Variants in ATXN10 observed in about 807,000 individuals in gnomAD.
ATXN10 encodes ataxin-10.
A neutral mutation model predicts 52.9 loss-of-function variants in ATXN10; 28 were observed. The ratio of observed to expected loss-of-function variants is 0.53; its 90% CI spans 0.39 to 0.73. The LOEUF is 0.73. Ranked by LOEUF, ATXN10 falls within the 30% of genes least tolerant of loss-of-function variation. ATXN10 has a pLI of 0.00. For missense variants in ATXN10, 565 were observed against 577.0 expected, an observed-to-expected ratio of 0.98 and a Z score of 0.21; for synonymous variants, 226 against 221.5, an observed-to-expected ratio of 1.02 and a Z score of -0.18.
At chr22:45,689,670 A>T in intron 1 of ATXN10, 42 bp from the exon 2 acceptor site, 2 of 1,578,776 alleles carry the variant, frequency 1.3e-6, no homozygotes, top group South Asian at 2.2e-5. Flanking sequence ...TGGAAATCAT[A>T]ATCTTTTTTT....
rs772914766 is a variant in ATXN10 at position 45,702,873 on chromosome 22, T to A, written c.647+26T>A. The A allele has an allele frequency of 1.9e-6, 3 of 1,613,098 alleles. No individual in the cohort carries two copies. In the African/African-American group the frequency reaches 4.0e-5, roughly 22 times the overall value. ...GTAAGTATCTTGTTAGAAATTTGAT[T>A]GCTTTGGGGCATCCTGACAGATCAC... On this transcript the variant is annotated intron_variant, in intron 5 of 11. Transcript: ENST00000252934.
chr22:45,682,642 T>C (rs1922974722), intron 1 of ATXN10, among the ~76,000 whole-genome samples: 1 of 152,198 alleles, frequency 6.6e-6, no homozygotes, highest in South Asian at 2.1e-4. Flanking sequence ...GCTAGACTTG[T>C]TTATTCACCT....
intron 5 of ATXN10, among the ~76,000 whole-genome samples, chr22:45,707,181 A>G (rs1924075910): frequency 6.6e-6 from 1 of 152,110 alleles, no homozygotes; most frequent in Non-Finnish European, 1.5e-5. Context: ...TCTTTTGCAC[A>G]TAGTAGTCAG....
intron 4 of ATXN10, among the ~76,000 whole-genome samples, 171 bp downstream of exon 4, chr22:45,700,549 T>A (rs906960326): frequency 6.6e-6 from 1 of 152,196 alleles, no homozygotes; most frequent in African/African-American, 2.4e-5. Context: ...GGGAAACACC[T>A]GGGTCCTGGA....
At position 45,824,268 on chromosome 22, in the gene ATXN10, C is replaced by T. The variant is rs565992081; in HGVS notation, c.1237+17246C>T. On this transcript the variant is annotated intron_variant, in intron 10 of 11. Transcript: ENST00000252934. This position sits in a 1 kb window ranked among gnomAD's most constrained non-coding sequence, Gnocchi z 5.2. ...GAGTTCTCCCCTTTCTACATTTGGC[C>T]AACTCCTACTCACCTTTGAGTTTGA... 2.0e-5 allele frequency among the ~76,000 whole-genome samples: 3 copies of T among 152,230 alleles called. No individual in the cohort carries two copies. Among genetic ancestry groups the T allele is most frequent in the East Asian group, 3.9e-4 (2 of 5,186 alleles).
At chr22:45,792,039 A>G (rs999983590) in intron 9 of ATXN10, among the ~76,000 whole-genome samples, 1 of 152,166 alleles carries the variant, frequency 6.6e-6, no homozygotes, top group Non-Finnish European at 1.5e-5. Context: ...ACTTATAAGC[A>G]TTCCAAATGT....
chr22:45,700,300 A>G lies in ATXN10; in HGVS notation c.410A>G (p.Gln137Arg). The part of the protein sequence containing the change: ...SLLTAFRCGL[Q>R]FLGNIASRNE... Reference sequence around the variant, plus strand: ...TTCTTAGCTTTTCGCTGTGGCCTGCAGTTTTTAGGCAACATTGCCTCACGG... The same window carrying G: ...TTCTTAGCTTTTCGCTGTGGCCTGCGGTTTTTAGGCAACATTGCCTCACGG... The change falls in exon 4 of 12, where the codon CAG becomes CGG. Residue 137 changes from glutamine (Q) to arginine (R), a missense_variant. Coordinates refer to ENST00000252934, the MANE Select transcript of ATXN10 (RefSeq NM_013236.4). 1 of 1,613,534 alleles carries G rather than the reference A, an allele frequency of 6.2e-7. No homozygotes were observed. The highest frequency in any genetic ancestry group is 8.5e-7 in the Non-Finnish European group (1 of 1,179,554).
In ATXN10 at chr22:45,721,976, G is replaced by T. The variant is rs191851348; in HGVS notation, c.728+3483G>T. On this transcript the variant is annotated intron_variant, in intron 6 of 11. Transcript: ENST00000252934. Reference sequence around the variant, plus strand: ...CGTAATTTTAAGGCAGACTATGTAAGTACTGTATTTAATCAGGGGAGAATT... The same window carrying T: ...CGTAATTTTAAGGCAGACTATGTAATTACTGTATTTAATCAGGGGAGAATT... Among the ~76,000 whole-genome samples, 50 of 152,140 alleles carry T rather than the reference G, an allele frequency of 3.3e-4. 1 individual carries two copies. The highest frequency in any genetic ancestry group is 1.0e-4 in the Non-Finnish European group (7 of 68,030).
Position 45,769,569 on chromosome 22 carries a change from C to T in ATXN10, c.1173+29031C>T, listed in dbSNP as rs1926703921. 6.6e-6 allele frequency among the ~76,000 whole-genome samples: 1 copy of T among 152,024 alleles called. No individual in the cohort carries two copies. Among genetic ancestry groups the T allele is most frequent in the African/African-American group, 2.4e-5 (1 of 41,388 alleles). ...ACTATTTCAAAGGAATGAATTACAC[C>T]AGCAGAGGTACAGAGGAAGAAAGGT... On this transcript the variant is annotated intron_variant, in intron 9 of 11. Transcript: ENST00000252934. This position sits in a 1 kb window ranked among gnomAD's most constrained non-coding sequence, Gnocchi z 4.2.
intron 7 of ATXN10, among the ~76,000 whole-genome samples, chr22:45,730,721 G>A (rs1425196487): frequency 6.6e-6 from 1 of 152,208 alleles, no homozygotes; most frequent in Non-Finnish European, 1.5e-5. Flanking sequence ...ACTGGCATAA[G>A]CCACCACATC....
intron 1 of ATXN10, chr22:45,673,029 A>G (rs1158237309): frequency 1.3e-5 from 2 of 152,218 alleles, no homozygotes; most frequent in Non-Finnish European, 2.9e-5. Flanking sequence ...TTTCTTGTCT[A>G]TTTAATGGGA....
rs932958854 is a variant in ATXN10 at position 45,818,660 on chromosome 22, C to T, written c.1237+11638C>T. On this transcript the variant is annotated intron_variant, in intron 10 of 11. Transcript: ENST00000252934. This position sits in a 1 kb window ranked among gnomAD's most constrained non-coding sequence, Gnocchi z 4.6. Reference sequence around the variant, plus strand: ...AGGGATCAGGGGGCAGGGATCATCACGCAGGAAGCTGTGTGAAAGAGGTGT... The same window carrying T: ...AGGGATCAGGGGGCAGGGATCATCATGCAGGAAGCTGTGTGAAAGAGGTGT... Among the ~76,000 whole-genome samples, 5 of 151,850 alleles carry T rather than the reference C, an allele frequency of 3.3e-5. No individual in the cohort carries two copies. The highest frequency in any genetic ancestry group is 4.2e-4 in the South Asian group (2 of 4,808).
chr22:45,700,374 T>C lies in ATXN10; in HGVS notation c.484T>C (p.Phe162Leu). The part of the protein sequence containing the change: ...IVWVHAFPEL[F>L]LSCLNHPDKK... Reference sequence around the variant, plus strand: ...TTGGGTGCATGCTTTCCCAGAACTGTTTTTGTGAGTATATTGATAAGCATT... The same window carrying C: ...TTGGGTGCATGCTTTCCCAGAACTGCTTTTGTGAGTATATTGATAAGCATT... Residue 162 changes from phenylalanine (F) to leucine (L), a missense_variant, in exon 4 of 12, where the codon TTT becomes CTT. By Grantham distance (22) the Phe-to-Leu change is conservative. Coordinates refer to ENST00000252934, the MANE Select transcript of ATXN10 (RefSeq NM_013236.4). The C allele has an allele frequency of 6.2e-7, 1 of 1,609,572 alleles. No homozygotes were observed. Among genetic ancestry groups the C allele is most frequent in the East Asian group, 2.2e-5 (1 of 44,848 alleles).
At position 45,718,237 on chromosome 22, in the gene ATXN10, T is replaced by A. The variant is rs2146773961; in HGVS notation, c.648-176T>A. ...ATATTTTTAGGATTTTTTTTCCTTT[T>A]AGCTGCTGATAGATTAATAGTATGT... On this transcript the variant is annotated intron_variant, in intron 5 of 11. Coordinates refer to ENST00000252934, the MANE Select transcript of ATXN10 (RefSeq NM_013236.4). This position sits in a 1 kb window ranked among gnomAD's most constrained non-coding sequence, Gnocchi z 4.4. 6.6e-6 allele frequency among the ~76,000 whole-genome samples: 1 copy of A among 152,334 alleles called. No homozygotes were observed. Among genetic ancestry groups the A allele is most frequent in the African/African-American group, 2.4e-5 (1 of 41,582 alleles).
At chr22:45,822,615 C>G (rs1264294680) in intron 10 of ATXN10, among the ~76,000 whole-genome samples, 2 of 148,992 alleles carry the variant, frequency 1.3e-5, no homozygotes, top group East Asian at 2.0e-4. Flanking sequence ...ACTGCAACCT[C>G]CATCTCCTGG....
intron 6 of ATXN10, among the ~76,000 whole-genome samples, chr22:45,725,489 G>A (rs1488667283): frequency 6.7e-6 from 1 of 150,144 alleles, no homozygotes; most frequent in Non-Finnish European, 1.5e-5. Context: ...GTATACCAGT[G>A]CTACTGATTT....
At position 45,733,650 on chromosome 22, in the gene ATXN10, G is replaced by A. The variant is rs1345579081; in HGVS notation, c.894+4060G>A. The stretch of plus-strand genomic sequence containing the variant: ...ACTCGGGAGGCTGTCCCAGCTACTC[G>A]GGAGGCGGAGGCAGAGAATCACGTG... On this transcript the variant is annotated intron_variant, in intron 7 of 11. Transcript: ENST00000252934. This position sits in a 1 kb window ranked among gnomAD's most constrained non-coding sequence, Gnocchi z 4.4. Among the ~76,000 whole-genome samples, 14 of 152,010 alleles carry A rather than the reference G, an allele frequency of 9.2e-5. No individual in the cohort carries two copies. Among genetic ancestry groups the A allele is most frequent in the Admixed American group, 7.9e-4 (12 of 15,276 alleles).
intron 9 of ATXN10, 30 bp from the exon 10 acceptor site, chr22:45,806,929 A>G (rs1189221889): frequency 6.4e-7 from 1 of 1,562,700 alleles, no homozygotes; most frequent in South Asian, 1.1e-5. Context: ...TGCTGTTTTC[A>G]GTGTATAAAC....
At chr22:45,747,755 G>C (rs1453456642) in intron 9 of ATXN10, among the ~76,000 whole-genome samples, 1 of 152,056 alleles carries the variant, frequency 6.6e-6, no homozygotes, top group Non-Finnish European at 1.5e-5. Context: ...ATAAAATAGG[G>C]GCAGTTACAC....
Sources: allele counts gnomAD v4.1 joint callset (sites outside exome capture counted in the v4.1 genomes callset), GRCh38; gene constraint gnomAD v4.1.1; non-coding constraint Gnocchi (gnomAD v3.1); transcripts MANE v1.5; gene names NCBI Gene and HGNC (gene_info 2026-07-23, HGNC 2026-07-21).